PCNX1: variants seen among roughly 807,000 people sequenced by gnomAD.
PCNX1 encodes the protein pecanex-like protein 1.
Under a neutral mutation model 242.2 loss-of-function variants are expected in PCNX1, and 78 were observed. The ratio of observed to expected loss-of-function variants is 0.32; its 90% CI spans 0.27 to 0.39. The LOEUF (loss-of-function observed/expected upper bound fraction) is 0.39. Ranked by LOEUF, PCNX1 falls within the 10% of genes least tolerant of loss-of-function variation. PCNX1 has a pLI of 1.00. For synonymous variants in PCNX1, 1,024 were observed against 1,032.9 expected, an observed-to-expected ratio of 0.99 and a Z score of 0.17; for missense variants, 2,581 against 2,856.5, an observed-to-expected ratio of 0.90 and a Z score of 2.20.
At position 71,009,739 on chromosome 14, in the gene PCNX1, A is replaced by G. The variant is rs762803778; in HGVS notation, c.2720+15A>G. ...TCCAATATCTGGTATGTGTGAAGTC[A>G]TATTAGGAGTGTGTGTACTTTCATA... On this transcript the variant is annotated intron_variant, in intron 9 of 35. Transcript: ENST00000304743. 11 of 1,449,312 alleles carry G rather than the reference A, an allele frequency of 7.6e-6. No homozygotes were observed. Among genetic ancestry groups the G allele is most frequent in the South Asian group, 1.2e-5 (1 of 82,700 alleles). 89.8% of individuals were successfully genotyped at this position (1,449,312 alleles called of 1,614,324 possible).
At chr14:70,992,367 A>G (rs1420815828) in intron 7 of PCNX1, among the ~76,000 whole-genome samples, 2 of 152,202 alleles carry the variant, frequency 1.3e-5, no homozygotes, top group Non-Finnish European at 2.9e-5. Flanking sequence ...ATAACTGAGA[A>G]TTCATGATTA....
chr14:70,908,130 C>A, intron 1 of PCNX1, 127 bp downstream of exon 1: 1 of 827,942 alleles, frequency 1.2e-6, no homozygotes, highest in Non-Finnish European at 1.7e-6. Context: ...CGGTGTGAGG[C>A]TCCCCGCCCC....
chr14:70,951,031 C>A (rs1449827434), intron 2 of PCNX1, among the ~76,000 whole-genome samples: 1 of 151,888 alleles, frequency 6.6e-6, no homozygotes, highest in Admixed American at 6.6e-5. Flanking sequence ...AAATTAAGAT[C>A]TTTGTATCTA....
chr14:70,944,248 A>G (rs2057375368), intron 1 of PCNX1, among the ~76,000 whole-genome samples: 1 of 152,174 alleles, frequency 6.6e-6, no homozygotes. Context: ...GCCAGCCAGG[A>G]GGGGAGCTGT....
chr14:71,107,155 G>A (rs1353947356), intron 33 of PCNX1, among the ~76,000 whole-genome samples: 2 of 152,090 alleles, frequency 1.3e-5, no homozygotes, highest in Non-Finnish European at 2.9e-5. Flanking sequence ...ATATGAAGAA[G>A]TTGATCCTCT....
At chr14:70,950,141 T>G (rs1401803005) in intron 2 of PCNX1, among the ~76,000 whole-genome samples, 1 of 152,248 alleles carries the variant, frequency 6.6e-6, no homozygotes, top group African/African-American at 2.4e-5. Flanking sequence ...GTACCCTGTT[T>G]GTTAATTAAA....
chr14:71,106,562 T>A (rs867691923), intron 33 of PCNX1, among the ~76,000 whole-genome samples: 70 of 151,644 alleles, frequency 4.6e-4, no homozygotes, highest in African/African-American at 1.7e-3. Flanking sequence ...TTTTTTTTTT[T>A]AAACCAGTTG....
chr14:70,926,091 ATAT>A (rs1284991890), intron 1 of PCNX1, among the ~76,000 whole-genome samples: 5 of 152,252 alleles, frequency 3.3e-5, no homozygotes, highest in South Asian at 2.1e-4. Context: ...CTTGACCAAC[ATAT>A]TATGTGAATA....
At chr14:71,067,799 C>T (rs1000644646) in intron 26 of PCNX1, among the ~76,000 whole-genome samples, 3 of 151,814 alleles carry the variant, frequency 2.0e-5, no homozygotes, top group Non-Finnish European at 4.4e-5. Flanking sequence ...GATTCTGGTA[C>T]GTTGTGTCTT....
rs1403888024 is a variant in PCNX1, at chr14:71,033,972, A to G, written c.3710A>G (p.Lys1237Arg). The G allele has an allele frequency of 3.1e-6, 5 of 1,608,552 alleles. No homozygotes were observed. The highest frequency in any genetic ancestry group is 3.4e-6 in the Non-Finnish European group (4 of 1,177,424). The change falls in exon 18 of 36, where the codon AAA (lysine) becomes AGA (arginine). Residue 1237 changes from lysine to arginine, a missense_variant. By Grantham distance (26) the Lys-to-Arg change is conservative (BLOSUM62 2). Coordinates refer to ENST00000304743, the MANE Select transcript of PCNX1 (RefSeq NM_014982.3). ...AAGATTTTTCCAAAAACGGAAGAGA[A>G]AAATCCAGAAGACCCTCTATCTGAA... ...QSKIFPKTEE[K>R]NPEDPLSEVK...
chr14:71,023,871 T>G (rs1435673927), intron 13 of PCNX1, among the ~76,000 whole-genome samples: 1 of 152,132 alleles, frequency 6.6e-6, no homozygotes, highest in Non-Finnish European at 1.5e-5. Flanking sequence ...ATAATTTTTT[T>G]AATCCTTTCA....
chr14:71,009,664 G>T lies in PCNX1; in HGVS notation c.2660G>T (p.Gly887Val). The change falls in exon 9 of 36, where the codon GGT (glycine) becomes GTT (valine). Residue 887 changes from glycine to valine, a missense_variant. Around this residue, in one of 9 missense-constraint regions of PCNX1, gnomAD observed 1,204 missense variants for 1,216.7 expected, o/e 0.99. Coordinates refer to ENST00000304743, the MANE Select transcript of PCNX1 (RefSeq NM_014982.3). ...GKFSSTLYET[G>V]GCDMSLVNFE... is the part of the protein sequence containing the mutation. The stretch of plus-strand genomic sequence containing the variant: ...TTCTCTTCTACGCTGTATGAGACTG[G>T]TGGCTGTGATATGTCACTTGTGAAT... 1 of 1,604,616 alleles carries T rather than the reference G, an allele frequency of 6.2e-7. No individual in the cohort carries two copies. Among genetic ancestry groups the T allele is most frequent in the Non-Finnish European group, 8.5e-7 (1 of 1,173,180 alleles).
intron 12 of PCNX1, 112 bp downstream of exon 12, chr14:71,019,274 C>T (rs1020605704): frequency 1.2e-6 from 1 of 825,520 alleles, no homozygotes; most frequent in Non-Finnish European, 1.8e-6. Context: ...GCTTACTTTT[C>T]TTGCATGTTT....
Position 70,967,274 on chromosome 14 carries a change from A to C in PCNX1, c.469-924A>C, listed in dbSNP as rs140666349. Among the ~76,000 whole-genome samples, 918 of 152,314 alleles carry C rather than the reference A, an allele frequency of 6.0e-3. 6 individuals are homozygous for C. Among genetic ancestry groups the C allele is most frequent in the Non-Finnish European group, 7.9e-3 (540 of 68,034 alleles). On this transcript the variant is annotated intron_variant, in intron 3 of 35. Transcript: ENST00000304743. ...GATTTCTTGTGATATACACCTACTA[A>C]ATCAAACCAATGAAGAGGAAGATGT...
chr14:71,041,488 T>G (rs1393042769), intron 19 of PCNX1, among the ~76,000 whole-genome samples: 1 of 152,262 alleles, frequency 6.6e-6, no homozygotes, highest in Admixed American at 6.5e-5. Flanking sequence ...TATTCACATA[T>G]AGTTACTCAT....
intron 1 of PCNX1, among the ~76,000 whole-genome samples, chr14:70,946,053 C>G (rs2057444491): frequency 6.6e-6 from 1 of 152,214 alleles, no homozygotes; most frequent in South Asian, 2.1e-4. Flanking sequence ...GACTCAAGTT[C>G]CCCATCACTG....
intron 5 of PCNX1, among the ~76,000 whole-genome samples, chr14:70,974,675 T>A (rs2058642991): frequency 6.6e-6 from 1 of 152,244 alleles, no homozygotes; most frequent in African/African-American, 2.4e-5. Flanking sequence ...AAGATAAGAA[T>A]ACCTTTTCAA....
chr14:70,960,537 A>G (rs1271832253), intron 2 of PCNX1, among the ~76,000 whole-genome samples: 1 of 152,166 alleles, frequency 6.6e-6, no homozygotes, highest in Non-Finnish European at 1.5e-5. Context: ...AGAGCTATCT[A>G]TGACAAACCC....
Position 71,023,130 on chromosome 14 carries a change from C to A in PCNX1, c.3151-70C>A, listed in dbSNP as rs2060149340. 4.7e-6 allele frequency: 5 copies of A among 1,070,826 alleles called. No individual in the cohort carries two copies. In the African/African-American group the frequency reaches 6.2e-5, roughly 13 times the overall value. 66.3% of individuals were successfully genotyped at this position (1,070,826 alleles called of 1,614,324 possible). A position where few individuals can be genotyped will look rare whatever the true frequency, so the allele number is the denominator to read the frequency against. On this transcript the variant is annotated intron_variant, in intron 12 of 35. Coordinates refer to ENST00000304743, the MANE Select transcript of PCNX1 (RefSeq NM_014982.3). Reference sequence around the variant, plus strand: ...TTTACTTAAAATCATTCATTTCAGGCATTTTGAAAGTTGGTTGTAAAATTA... The same window carrying A: ...TTTACTTAAAATCATTCATTTCAGGAATTTTGAAAGTTGGTTGTAAAATTA...
Sources: allele counts gnomAD v4.1 joint callset (sites outside exome capture counted in the v4.1 genomes callset), GRCh38; gene constraint gnomAD v4.1.1; regional missense constraint gnomAD v4.1.1; transcripts MANE v1.5; gene names NCBI Gene and HGNC (gene_info 2026-07-23, HGNC 2026-07-21).